RGS7: variants seen among roughly 807,000 people sequenced by gnomAD.
RGS7 encodes the protein regulator of G protein signaling 7, also known as regulator of G-protein signaling 7.
RGS7 carries 27 observed loss-of-function variants against 81.1 expected under a neutral mutation model. The observed-to-expected ratio is 0.33, with a 90% CI of 0.25 to 0.46. The LOEUF (loss-of-function observed/expected upper bound fraction) is 0.46, where lower values mean the gene tolerates loss of function less well. Ranked by LOEUF, RGS7 falls within the 20% of genes least tolerant of loss-of-function variation. The probability of loss-of-function intolerance (pLI) is 1.00; values close to 1 mark genes in which losing one functional copy is unlikely to be tolerated. For synonymous variants in RGS7, 208 were observed against 207.7 expected, an observed-to-expected ratio of 1.00 and a Z score of -0.01; for missense variants, 396 against 607.4, an observed-to-expected ratio of 0.65 and a Z score of 3.66.
chr1:241,266,233 C>A (rs2077587068), intron 2 of RGS7, among the ~76,000 whole-genome samples: 1 of 152,204 alleles, frequency 6.6e-6, no homozygotes, highest in African/African-American at 2.4e-5. Flanking sequence ...ATTTTCATCT[C>A]ATTTTAATCA....
At chr1:241,092,822 T>C (rs1454734099) in intron 3 of RGS7, among the ~76,000 whole-genome samples, 1 of 149,256 alleles carries the variant, frequency 6.7e-6, no homozygotes, top group Non-Finnish European at 1.5e-5. Context: ...ATTTACAATA[T>C]AGCCCCCAAC....
intron 3 of RGS7, among the ~76,000 whole-genome samples, chr1:241,089,993 C>CAAAAA (rs10716500): frequency 4.0e-4 from 37 of 92,952 alleles, no homozygotes; most frequent in African/African-American, 5.3e-4. Flanking sequence ...GACTCCATCT[C>CAAAAA]AAAAAAAAAA....
chr1:241,300,940 GA>G (rs1298379677), intron 2 of RGS7, among the ~76,000 whole-genome samples: 1 of 152,182 alleles, frequency 6.6e-6, no homozygotes, highest in Non-Finnish European at 1.5e-5. Flanking sequence ...CAGTGTTTTG[GA>G]GTTTGGCCAT....
intron 2 of RGS7, among the ~76,000 whole-genome samples, chr1:241,285,160 G>A (rs369868908): frequency 7.9e-5 from 12 of 152,226 alleles, no homozygotes; most frequent in Admixed American, 4.6e-4. Context: ...GTGAGCCACC[G>A]CGCCCGGCCA....
At position 241,035,526 on chromosome 1, in the gene RGS7, C is replaced by T. The variant is rs555924551; in HGVS notation, c.176-52397G>A. 9.9e-5 allele frequency among the ~76,000 whole-genome samples: 15 copies of T among 152,214 alleles called. 1 individual carries two copies. The highest frequency in any genetic ancestry group is 8.5e-4 in the Admixed American group (13 of 15,286). On this transcript the variant is annotated intron_variant, in intron 3 of 18. Coordinates refer to ENST00000440928, the MANE Select transcript of RGS7 (RefSeq NM_001364886.1). ...GTGGTGGGCTTTCTCGATGACATCT[C>T]TCAGAGTGGCTGAGAATTCTAAGGT...
chr1:241,221,476 G>A (rs2075008411), intron 2 of RGS7, among the ~76,000 whole-genome samples: 1 of 152,212 alleles, frequency 6.6e-6, no homozygotes, highest in African/African-American at 2.4e-5. Flanking sequence ...AATACGGGCA[G>A]ATGTAAATAT....
intron 2 of RGS7, among the ~76,000 whole-genome samples, chr1:241,183,096 G>C (rs2071779889): frequency 6.6e-6 from 1 of 152,124 alleles, no homozygotes; most frequent in African/African-American, 2.4e-5. Context: ...TCAGAACACA[G>C]TCTGCTGGCT....
chr1:241,058,496 T>C (rs1249146120), intron 3 of RGS7, among the ~76,000 whole-genome samples: 1 of 152,228 alleles, frequency 6.6e-6, no homozygotes, highest in Admixed American at 6.5e-5. Flanking sequence ...TTTGCTTTAT[T>C]TGAATTCTTT....
intron 2 of RGS7, among the ~76,000 whole-genome samples, chr1:241,333,193 T>G (rs79826890): frequency 0.025 from 3,834 of 152,346 alleles, 97 homozygotes; most frequent in African/African-American, 0.063. Flanking sequence ...TATTGTCATT[T>G]GCCTCCCTTA....
chr1:241,207,567 A>G (rs1160555470), intron 2 of RGS7, among the ~76,000 whole-genome samples: 1 of 152,038 alleles, frequency 6.6e-6, no homozygotes, highest in African/African-American at 2.4e-5. Flanking sequence ...TGAACAAACA[A>G]AAGAAAATTT....
chr1:241,216,515 T>G (rs891568453), intron 2 of RGS7, among the ~76,000 whole-genome samples: 1 of 152,176 alleles, frequency 6.6e-6, no homozygotes, highest in Non-Finnish European at 1.5e-5. Flanking sequence ...GGAAGAGAGA[T>G]AGAGTTTTCT....
At chr1:241,162,874 T>A (rs1173950974) in intron 2 of RGS7, among the ~76,000 whole-genome samples, 2 of 152,248 alleles carry the variant, frequency 1.3e-5, no homozygotes, top group East Asian at 3.8e-4. Flanking sequence ...TAAGGCAGTC[T>A]GACTCTGGTT....
chr1:240,776,225 T>C lies in RGS7; in HGVS notation c.*7-12A>G, dbSNP rs370452713. 2.5e-6 allele frequency: 4 copies of C among 1,599,130 alleles called. No individual in the cohort carries two copies. The highest frequency in any genetic ancestry group is 2.2e-5 in the East Asian group (1 of 44,800). On this transcript the variant is annotated splice_polypyrimidine_tract_variant and intron_variant, in intron 18 of 18. Transcript: ENST00000440928. ...GTGAGAGATTTCCCCTGAGAAAATA[T>C]ATAAAACAAGAGAAAAGAAAGAAAA...
At chr1:240,882,885 AC>A (rs1666651234) in intron 6 of RGS7, among the ~76,000 whole-genome samples, 1 of 152,040 alleles carries the variant, frequency 6.6e-6, no homozygotes, top group Non-Finnish European at 1.5e-5. Context: ...CATTTAATTT[AC>A]CCTTTCGTTT....
chr1:240,931,744 A>G (rs527688036), intron 5 of RGS7, among the ~76,000 whole-genome samples: 1 of 152,348 alleles, frequency 6.6e-6, no homozygotes, highest in Admixed American at 6.5e-5. Context: ...AATAGGCAGA[A>G]TCCAGATTCT....
chr1:241,045,774 C>T (rs574857389), intron 3 of RGS7, among the ~76,000 whole-genome samples: 2 of 152,276 alleles, frequency 1.3e-5, no homozygotes, highest in East Asian at 3.9e-4. Context: ...CTGTACCTTG[C>T]TTGAAAAATC....
chr1:241,132,058 G>C (rs896643537), intron 2 of RGS7, among the ~76,000 whole-genome samples: 3 of 152,118 alleles, frequency 2.0e-5, no homozygotes, highest in African/African-American at 4.8e-5. Context: ...GGTATGTCTC[G>C]CAAAGGACCG....
chr1:241,216,618 C>T (rs2074574954), intron 2 of RGS7, among the ~76,000 whole-genome samples: 1 of 152,162 alleles, frequency 6.6e-6, no homozygotes, highest in Admixed American at 6.5e-5. Flanking sequence ...ACATGTCTAT[C>T]CCAACCCTTT....
intron 2 of RGS7, among the ~76,000 whole-genome samples, chr1:241,222,590 T>C (rs1573210721): frequency 1.3e-5 from 2 of 152,192 alleles, no homozygotes; most frequent in East Asian, 3.8e-4. Flanking sequence ...TTATTATTAA[T>C]AGTACCAAGA....
Sources: allele counts gnomAD v4.1 joint callset (sites outside exome capture counted in the v4.1 genomes callset), GRCh38; gene constraint gnomAD v4.1.1; transcripts MANE v1.5; gene names NCBI Gene and HGNC (gene_info 2026-07-23, HGNC 2026-07-21).